Variants in KLRG1 observed in about 807,000 individuals in gnomAD.
KLRG1 encodes killer cell lectin like receptor G1.
A neutral mutation model predicts 21.8 loss-of-function variants in KLRG1; 16 were observed. The ratio of observed to expected loss-of-function variants is 0.73; its 90% CI spans 0.50 to 1.11. The LOEUF is 1.11. Ranked by LOEUF, KLRG1 falls within the 50% of genes most tolerant of loss-of-function variation. The pLI is 0.00. For missense variants in KLRG1, 173 were observed against 218.3 expected, an observed-to-expected ratio of 0.79 and a Z score of 1.31; for synonymous variants, 69 against 75.9, an observed-to-expected ratio of 0.91 and a Z score of 0.47.
At chr12:8,970,608 TTTTA>T (rs990376060) in intron 1 of KLRG1, 4 of 152,360 alleles carry the variant, frequency 2.6e-5, no homozygotes, top group Admixed American at 2.0e-4. Flanking sequence ...CCTTTTCATC[TTTTA>T]TTTATTTACT....
At chr12:9,033,101 A>G in the KLRG1 span, among the ~76,000 whole-genome samples, 1 of 152,200 alleles carries the variant, frequency 6.6e-6, no homozygotes, top group African/African-American at 2.4e-5. Context: ...CGGTGATTAC[A>G]TGATTGCAGA....
At chr12:8,980,381 A>G (rs979404665) in intron 1 of KLRG1, among the ~76,000 whole-genome samples, 1 of 152,146 alleles carries the variant, frequency 6.6e-6, no homozygotes, top group Non-Finnish European at 1.5e-5. Context: ...TTGTCGGGCA[A>G]TTCATAGATC....
the KLRG1 span, chr12:9,094,977 A>T: frequency 6.5e-7 from 1 of 1,527,014 alleles, no homozygotes; most frequent in Non-Finnish European, 8.8e-7. Flanking sequence ...GTTTACCATA[A>T]AAACCTACAC....
At chr12:9,144,139 G>C in the KLRG1 span, among the ~76,000 whole-genome samples, 1 of 152,114 alleles carries the variant, frequency 6.6e-6, no homozygotes, top group African/African-American at 2.4e-5. Flanking sequence ...TTGGCAAAGG[G>C]CCTCTTGAAC....
the KLRG1 span, chr12:9,112,354 C>T: frequency 6.2e-7 from 1 of 1,608,978 alleles, no homozygotes; most frequent in South Asian, 1.1e-5. Context: ...TTGAAGTTGT[C>T]CTGTCTGTAG....
At position 9,009,493 on chromosome 12, in the gene KLRG1, T is replaced by C; in HGVS notation, c.526T>C (p.Cys176Arg). The C allele has an allele frequency of 1.2e-6, 2 of 1,613,984 alleles. No homozygotes were observed. Among genetic ancestry groups the C allele is most frequent in the Non-Finnish European group, 1.7e-6 (2 of 1,179,918 alleles). The change falls in exon 5 of 5, where the codon TGT becomes CGT. Residue 176 changes from cysteine (C) to arginine (R), a missense_variant. Coordinates refer to ENST00000356986, the MANE Select transcript of KLRG1 (RefSeq NM_005810.4). ...INKNGLQASS[C>R]EVPLHWVCKK... is the part of the protein sequence containing the mutation. The stretch of plus-strand genomic sequence containing the variant: ...CAAAAATGGTCTTCAAGCCTCAAGC[T>C]GTGAAGTTCCTTTACACTGGGTGTG...
the KLRG1 span, among the ~76,000 whole-genome samples, chr12:9,185,423 T>A: frequency 6.6e-6 from 1 of 152,178 alleles, no homozygotes; most frequent in African/African-American, 2.4e-5. Context: ...CTGAGAAATC[T>A]GGGATTATTT....
At chr12:9,135,164 C>T in the KLRG1 span, 2 of 222,280 alleles carry the variant, frequency 9.0e-6, no homozygotes, top group Admixed American at 4.6e-5. Flanking sequence ...GGCTCACGAA[C>T]GGGCAACAGC....
chr12:8,984,765 C>T (rs1163418235), upstream of KLRG1, among the ~76,000 whole-genome samples: 1 of 152,150 alleles, frequency 6.6e-6, no homozygotes, highest in Non-Finnish European at 1.5e-5. Context: ...TTTCTACTTA[C>T]TGACTTTTCT....
chr12:9,006,658 CT>C (rs1947483021), intron 3 of KLRG1, among the ~76,000 whole-genome samples: 1 of 152,122 alleles, frequency 6.6e-6, no homozygotes, highest in African/African-American at 2.4e-5. Flanking sequence ...GAAAAGGAGA[CT>C]TGGATGAATT....
the KLRG1 span, chr12:9,161,136 A>G: frequency 6.6e-7 from 1 of 1,510,396 alleles, no homozygotes; most frequent in Non-Finnish European, 9.1e-7. Flanking sequence ...CAGACAGCCC[A>G]TGTTAAAGGA....
chr12:9,095,519 C>A, the KLRG1 span: 4 of 1,602,872 alleles, frequency 2.5e-6, no homozygotes, highest in Admixed American at 6.7e-5. Context: ...ATCAGACCAT[C>A]TGCAACATAA....
chr12:9,005,256 G>T (rs1947437206), intron 3 of KLRG1, among the ~76,000 whole-genome samples: 1 of 152,150 alleles, frequency 6.6e-6, no homozygotes, highest in African/African-American at 2.4e-5. Context: ...TAATGTAGGT[G>T]ACTAGTTGAT....
the KLRG1 span, among the ~76,000 whole-genome samples, chr12:9,142,885 T>G: frequency 3.9e-5 from 6 of 152,222 alleles, no homozygotes; most frequent in Non-Finnish European, 2.9e-5. Context: ...TGGCAACTTT[T>G]CTGTTTTCCC....
rs1423338379 is a variant in KLRG1 at position 8,953,219 on chromosome 12, C to T, written c.-156+2983C>T. ...AGAATTTTATTGAGCGATGGAACAG[C>T]TCTCAGCGGAGAGGGGATGTGGTAG... is the stretch of plus-strand genomic sequence containing the variant. On this transcript the variant is annotated intron_variant, in intron 1 of 4. Transcript: ENST00000539240. Among the ~76,000 whole-genome samples, 3 of 152,194 alleles carry T rather than the reference C, an allele frequency of 2.0e-5. 1 individual carries two copies. Among genetic ancestry groups the T allele is most frequent in the Admixed American group, 2.0e-4 (3 of 15,290 alleles).
At chr12:9,116,908 T>C in the KLRG1 span, among the ~76,000 whole-genome samples, 2 of 144,990 alleles carry the variant, frequency 1.4e-5, no homozygotes, top group East Asian at 3.9e-4. Flanking sequence ...TAAAATACAA[T>C]ATAAAACTAC....
At chr12:9,074,863 G>A in the KLRG1 span, 7 of 1,394,740 alleles carry the variant, frequency 5.0e-6, no homozygotes, top group African/African-American at 8.7e-5. Flanking sequence ...AGCCAGTGCT[G>A]AAATGAGAAT....
chr12:9,090,446 C>G, the KLRG1 span: 2 of 1,614,000 alleles, frequency 1.2e-6, no homozygotes, highest in Admixed American at 1.7e-5. Flanking sequence ...ACTGGGACAG[C>G]TAGGAAGGCG....
At chr12:9,071,486 A>G in the KLRG1 span, among the ~76,000 whole-genome samples, 1 of 152,278 alleles carries the variant, frequency 6.6e-6, no homozygotes, top group South Asian at 2.1e-4. Flanking sequence ...CAGGTTTGTT[A>G]TATAGGTAAA....
Sources: allele counts gnomAD v4.1 joint callset (sites outside exome capture counted in the v4.1 genomes callset), GRCh38; gene constraint gnomAD v4.1.1; transcripts MANE v1.5; gene names NCBI Gene and HGNC (gene_info 2026-07-23, HGNC 2026-07-21).